MDGA2: variants seen among roughly 807,000 people sequenced by gnomAD.
The protein encoded by MDGA2 is MAM domain-containing glycosylphosphatidylinositol anchor protein 2.
A neutral mutation model predicts 117.8 loss-of-function variants in MDGA2; 40 were observed. That is an observed-to-expected ratio of 0.34 (90% confidence interval 0.26 to 0.44). The LOEUF (loss-of-function observed/expected upper bound fraction) is 0.44. MDGA2 is among the 20% of genes least tolerant of loss of function. MDGA2 has a pLI of 1.00. For synonymous variants in MDGA2, 452 were observed against 439.0 expected (o/e 1.03, Z -0.37); for missense variants, 1,123 against 1,250.6 (o/e 0.90, Z 1.54).
chr14:46,934,927 G>C (rs1884722214), intron 9 of MDGA2, among the ~76,000 whole-genome samples: 1 of 151,880 alleles, frequency 6.6e-6, no homozygotes, highest in African/African-American at 2.4e-5. Flanking sequence ...CACAGTTAAG[G>C]CTCTGGGTCA....
chr14:47,509,947 T>C (rs1894603790), intron 1 of MDGA2, among the ~76,000 whole-genome samples: 1 of 152,184 alleles, frequency 6.6e-6, no homozygotes, highest in Non-Finnish European at 1.5e-5. Context: ...GTTAAAACTT[T>C]TAGGGCTGTG....
At chr14:47,481,073 AAAT>A in intron 1 of MDGA2, among the ~76,000 whole-genome samples, 1 of 152,104 alleles carries the variant, frequency 6.6e-6, no homozygotes, top group East Asian at 1.9e-4. Context: ...AACAGTACAT[AAAT>A]AATGACATTG....
intron 2 of MDGA2, among the ~76,000 whole-genome samples, chr14:47,249,149 A>C (rs1353877353): frequency 6.6e-6 from 1 of 151,260 alleles, no homozygotes; most frequent in Non-Finnish European, 1.5e-5. Flanking sequence ...CCCCGAGTAG[A>C]TGGGACTACA....
chr14:46,975,858 G>C (rs532605096), intron 8 of MDGA2, among the ~76,000 whole-genome samples: 1 of 152,036 alleles, frequency 6.6e-6, no homozygotes, highest in African/African-American at 2.4e-5. Flanking sequence ...AAGGCTTCTT[G>C]CTATGTCCTC....
chr14:47,200,714 T>A (rs1021385937), intron 3 of MDGA2: 3 of 914,584 alleles, frequency 3.3e-6, no homozygotes, highest in East Asian at 2.5e-5. Context: ...CTTCCTCTTC[T>A]CCTGCAGGGT....
chr14:47,225,404 A>G (rs1478986625), intron 2 of MDGA2, among the ~76,000 whole-genome samples: 1 of 151,898 alleles, frequency 6.6e-6, no homozygotes, highest in Non-Finnish European at 1.5e-5. Flanking sequence ...AAGACTTGGA[A>G]CCAACCCAAA....
At chr14:47,324,164 GA>G (rs1594796338) in intron 1 of MDGA2, among the ~76,000 whole-genome samples, 1 of 152,184 alleles carries the variant, frequency 6.6e-6, no homozygotes, top group East Asian at 1.9e-4. Context: ...AGAATGGCGT[GA>G]ACCCAGGAGG....
chr14:46,896,500 T>G (rs887233611), intron 10 of MDGA2, among the ~76,000 whole-genome samples: 18 of 152,068 alleles, frequency 1.2e-4, no homozygotes, highest in African/African-American at 4.3e-4. Context: ...ACGAAAAAAG[T>G]AATGGAGGAT....
intron 3 of MDGA2, among the ~76,000 whole-genome samples, chr14:47,175,507 A>G (rs1026264645): frequency 3.3e-5 from 5 of 150,910 alleles, no homozygotes; most frequent in African/African-American, 4.9e-5. Flanking sequence ...ACGCAAATCA[A>G]TAAATGTAAT....
chr14:47,218,322 A>G (rs990493671), intron 2 of MDGA2, 127 bp from the exon 3 acceptor site: 39 of 796,576 alleles, frequency 4.9e-5, no homozygotes, highest in African/African-American at 1.6e-4. Context: ...AAATTATTGA[A>G]GAAAAAATTA....
chr14:47,016,928 G>A (rs2211343), intron 8 of MDGA2, among the ~76,000 whole-genome samples: 22,145 of 147,120 alleles, frequency 0.15, 1,695 homozygotes, highest in Admixed American at 0.23. Flanking sequence ...TCTCTTATTC[G>A]TAGTCATTTT....
chr14:47,626,781 T>C (rs1387906086), intron 1 of MDGA2, among the ~76,000 whole-genome samples: 1 of 152,206 alleles, frequency 6.6e-6, no homozygotes, highest in Non-Finnish European at 1.5e-5. Flanking sequence ...CAGCCCGCCA[T>C]GCCTGAGCAT....
Position 47,076,684 on chromosome 14 carries a change from C to T in MDGA2, c.1196-15106G>A, listed in dbSNP as rs563331825. Among the ~76,000 whole-genome samples, 83 of 152,048 alleles carry T rather than the reference C, an allele frequency of 5.5e-4. No homozygotes were observed. In the South Asian group the frequency reaches 7.7e-3, roughly 14 times the overall value. ...TTTTATCTACATATTTGAAATCGTA[C>T]TATATGAACCATGCACCTTTATTTG... On this transcript the variant is annotated intron_variant, in intron 6 of 16. Coordinates refer to ENST00000399232, the MANE Select transcript of MDGA2 (RefSeq NM_001113498.3).
In MDGA2 at chr14:47,539,879, T is replaced by C. The variant is rs1032474179; in HGVS notation, c.280+134638A>G. On this transcript the variant is annotated intron_variant, in intron 1 of 16. Coordinates refer to ENST00000399232, the MANE Select transcript of MDGA2 (RefSeq NM_001113498.3). ...CCTTGTTACTTCTCCCACTGGTTCA[T>C]TCCATGCTCACCACACTGGCCTCGT... 4.6e-5 allele frequency among the ~76,000 whole-genome samples: 7 copies of C among 152,308 alleles called. No homozygotes were observed. The South Asian group carries it at 1.0e-3, about 23-fold the overall frequency.
intron 1 of MDGA2, among the ~76,000 whole-genome samples, chr14:47,657,488 C>G (rs574754447): frequency 6.6e-6 from 1 of 152,248 alleles, no homozygotes; most frequent in African/African-American, 2.4e-5. Context: ...GTCCAACCTG[C>G]CAGCAGGAGG....
intron 1 of MDGA2, among the ~76,000 whole-genome samples, chr14:47,620,624 TAA>T (rs1478045507): frequency 6.6e-6 from 1 of 152,222 alleles, no homozygotes; most frequent in Non-Finnish European, 1.5e-5. Context: ...TTCCAAATTA[TAA>T]AATTAGCTTA....
intron 1 of MDGA2, chr14:47,343,033 G>C: frequency 7.9e-7 from 1 of 1,266,872 alleles, no homozygotes; most frequent in Non-Finnish European, 1.0e-6. Flanking sequence ...GGGAGAAGCA[G>C]GCAGCACTAC....
chr14:47,203,600 C>T (rs1044383625), intron 3 of MDGA2, among the ~76,000 whole-genome samples: 2 of 151,860 alleles, frequency 1.3e-5, no homozygotes, highest in African/African-American at 4.8e-5. Flanking sequence ...CAAATGGCAC[C>T]ATGCTTTATG....
intron 1 of MDGA2, among the ~76,000 whole-genome samples, chr14:47,503,420 C>T (rs1363353506): frequency 7.0e-6 from 1 of 143,824 alleles, no homozygotes; most frequent in Non-Finnish European, 1.5e-5. Flanking sequence ...TCCTCTACTA[C>T]CTTTTTTTTT....
Sources: gnomAD v4.1 joint callset for allele counts (sites outside exome capture counted in the v4.1 genomes callset) on GRCh38, gnomAD v4.1.1 for gene constraint, MANE v1.5 for transcripts, NCBI Gene and HGNC (gene_info 2026-07-23, HGNC 2026-07-21) for gene names.